Variants in HLCS observed in about 807,000 individuals in gnomAD.
HLCS encodes holocarboxylase synthetase.
Under a neutral mutation model 75.0 loss-of-function variants are expected in HLCS, and 53 were observed. The observed-to-expected ratio is 0.71, with a 90% CI of 0.57 to 0.89. HLCS has a LOEUF of 0.89. Ranked by LOEUF, HLCS falls within the 40% of genes least tolerant of loss-of-function variation. The pLI is 0.00. For missense variants in HLCS, 966 were observed against 1,074.0 expected (o/e 0.90, Z 1.41); for synonymous variants, 431 against 428.6 (o/e 1.01, Z -0.07).
chr21:36,966,440 C>G lies in HLCS; in HGVS notation c.195+4G>C, dbSNP rs897355378. 10 of 959,122 alleles carry G rather than the reference C, an allele frequency of 1.0e-5. No individual in the cohort carries two copies. The highest frequency in any genetic ancestry group is 4.8e-5 in the South Asian group (1 of 20,770). The allele number at this position is 959,122 out of a possible 1,614,324, so 59.4% of individuals were successfully genotyped here. On this transcript the variant is annotated splice_donor_region_variant and intron_variant, in intron 1 of 10. Transcript: ENST00000674895. ...CGGGTCGCCCGCCCGCCCGACCCGC[C>G]CACCTGGCTGTCGCTGACGCAGAAG...
intron 5 of HLCS, among the ~76,000 whole-genome samples, chr21:36,913,691 G>A (rs2065814303): frequency 1.3e-5 from 2 of 152,252 alleles, no homozygotes; most frequent in Admixed American, 6.5e-5. Flanking sequence ...AACCCAGGAA[G>A]TGAAGGTTGC....
At chr21:36,859,568 T>C (rs7280984) in intron 6 of HLCS, among the ~76,000 whole-genome samples, 40,650 of 152,048 alleles carry the variant, frequency 0.27, 6,306 homozygotes, top group African/African-American at 0.43. Context: ...TTTGCAGAGG[T>C]AGGAAGATGG....
At chr21:36,810,537 T>C (rs1424217482) in intron 6 of HLCS, among the ~76,000 whole-genome samples, 1 of 152,182 alleles carries the variant, frequency 6.6e-6, no homozygotes, top group African/African-American at 2.4e-5. Context: ...AACGAGGTTC[T>C]CCCACCATAA....
intron 6 of HLCS, among the ~76,000 whole-genome samples, chr21:36,791,320 G>T (rs142631974): frequency 1.3e-5 from 2 of 152,146 alleles, no homozygotes; most frequent in Admixed American, 6.5e-5. Context: ...TCTGGGCAGC[G>T]GTGACTGTTC....
At chr21:36,782,801 T>C (rs1299422035) in intron 6 of HLCS, among the ~76,000 whole-genome samples, 1 of 151,884 alleles carries the variant, frequency 6.6e-6, no homozygotes, top group Non-Finnish European at 1.5e-5. Flanking sequence ...AAACCCCATC[T>C]CTACTAAAAA....
chr21:36,762,110 A>C (rs1490399407), intron 8 of HLCS, among the ~76,000 whole-genome samples: 1 of 152,206 alleles, frequency 6.6e-6, no homozygotes, highest in East Asian at 1.9e-4. Flanking sequence ...TCCCACATAA[A>C]AAAAGACCAA....
intron 6 of HLCS, among the ~76,000 whole-genome samples, chr21:36,799,352 T>C (rs2061126977): frequency 6.6e-6 from 1 of 152,236 alleles, no homozygotes; most frequent in African/African-American, 2.4e-5. Flanking sequence ...TCTGGACACT[T>C]ACCCTGTTCC....
chr21:36,758,410 A>G (rs1159177795), intron 9 of HLCS, among the ~76,000 whole-genome samples: 1 of 151,888 alleles, frequency 6.6e-6, no homozygotes, highest in African/African-American at 2.4e-5. Flanking sequence ...CACCTGGCCT[A>G]TTTTTTATGT....
intron 6 of HLCS, among the ~76,000 whole-genome samples, chr21:36,894,695 T>C (rs1275154938): frequency 1.3e-5 from 2 of 152,140 alleles, no homozygotes; most frequent in Non-Finnish European, 2.9e-5. Context: ...GAAACAAAGA[T>C]TCCTAAACAC....
chr21:36,859,649 A>T (rs1407040534), intron 6 of HLCS, among the ~76,000 whole-genome samples: 1 of 152,268 alleles, frequency 6.6e-6, no homozygotes, highest in East Asian at 1.9e-4. Flanking sequence ...TGCACAGAGC[A>T]GTGACTTTCA....
chr21:36,858,808 G>A (rs773439100), intron 6 of HLCS, among the ~76,000 whole-genome samples: 20 of 152,182 alleles, frequency 1.3e-4, no homozygotes, highest in Admixed American at 1.1e-3. Context: ...CAGGTGAAGA[G>A]GAAGCCCATG....
intron 6 of HLCS, among the ~76,000 whole-genome samples, chr21:36,827,024 C>T (rs1349544365): frequency 6.6e-6 from 1 of 152,072 alleles, no homozygotes; most frequent in African/African-American, 2.4e-5. Context: ...ACAAGGATGT[C>T]TAATAACACA....
intron 6 of HLCS, among the ~76,000 whole-genome samples, chr21:36,789,602 A>C (rs1053069475): frequency 2.0e-5 from 3 of 152,228 alleles, no homozygotes; most frequent in Admixed American, 2.0e-4. Context: ...GGAAGTGTAC[A>C]GGATATTTGG....
At chr21:36,881,668 A>G (rs1180843955) in intron 6 of HLCS, among the ~76,000 whole-genome samples, 1 of 152,202 alleles carries the variant, frequency 6.6e-6, no homozygotes, top group Non-Finnish European at 1.5e-5. Flanking sequence ...GAAGTAATCC[A>G]GATGATCAGC....
At chr21:36,966,974 G>A (rs944778403), upstream of HLCS, among the ~76,000 whole-genome samples, 4 of 151,694 alleles carry the variant, frequency 2.6e-5, no homozygotes, top group Non-Finnish European at 5.9e-5. Context: ...GCTCGAGGGA[G>A]TGGAGGCCGG....
At position 36,774,427 on chromosome 21, in the gene HLCS, G is replaced by A. The variant is rs80248700; in HGVS notation, c.1893-7142C>T. Among the ~76,000 whole-genome samples, 454 of 152,206 alleles carry A rather than the reference G, an allele frequency of 3.0e-3. 5 individuals carry two copies. The highest frequency in any genetic ancestry group is 0.011 in the African/African-American group (442 of 41,500). ...AGTCTCTCCAGTCACCTATAAAATG[G>A]AACATTTTGTGCAGTGTCAGTAAAA... On this transcript the variant is annotated intron_variant, in intron 6 of 10. Coordinates refer to ENST00000674895, the MANE Select transcript of HLCS (RefSeq NM_001352514.2).
chr21:36,914,558 G>A (rs962074344), intron 5 of HLCS, among the ~76,000 whole-genome samples: 3 of 152,196 alleles, frequency 2.0e-5, no homozygotes, highest in Admixed American at 1.3e-4. Flanking sequence ...GCCAACTAGC[G>A]AAGACCACAA....
Position 36,938,719 on chromosome 21 carries a change from T to G in HLCS, c.493+113A>C, listed in dbSNP as rs555471419. On this transcript the variant is annotated intron_variant, in intron 3 of 10. Coordinates refer to ENST00000674895, the MANE Select transcript of HLCS (RefSeq NM_001352514.2). ...TAGGGGTCTATGCTGCTCAGGCTGG[T>G]CTCGAACTCCTGGGCTCCAAGCGAT... is the stretch of plus-strand genomic sequence containing the variant. 1.4e-5 allele frequency: 15 copies of G among 1,061,954 alleles called. No homozygotes were observed. In the Admixed American group the frequency reaches 2.6e-4, roughly 18 times the overall value. 65.8% of individuals were successfully genotyped at this position (1,061,954 alleles called of 1,614,324 possible).
chr21:36,809,272 T>C (rs573110616), intron 6 of HLCS, among the ~76,000 whole-genome samples: 1 of 152,310 alleles, frequency 6.6e-6, no homozygotes, highest in African/African-American at 2.4e-5. Context: ...CTTGAAAATG[T>C]TATTCCATGC....
Sources: gnomAD v4.1 joint callset for allele counts (sites outside exome capture counted in the v4.1 genomes callset) on GRCh38, gnomAD v4.1.1 for gene constraint, MANE v1.5 for transcripts, NCBI Gene and HGNC (gene_info 2026-07-23, HGNC 2026-07-21) for gene names.